Variants in DPYSL4 observed in about 807,000 individuals in gnomAD.
DPYSL4 encodes dihydropyrimidinase-related protein 4.
DPYSL4 carries 43 observed loss-of-function variants against 63.4 expected under a neutral mutation model. The observed-to-expected ratio is 0.68, with a 90% CI of 0.53 to 0.88. The LOEUF is 0.88. Among genes scored for constraint, DPYSL4 ranks in the 40% least tolerant of loss-of-function variants. The pLI is 0.00. For synonymous variants in DPYSL4, 353 were observed against 331.7 expected (o/e 1.06, Z -0.70); for missense variants, 733 against 819.5 (o/e 0.89, Z 1.29).
At position 132,196,911 on chromosome 10, in the gene DPYSL4, A is replaced by G. The variant is rs1171127130; in HGVS notation, c.529A>G (p.Ser177Gly). Residue 177 changes from serine (S) to glycine (G), a missense_variant, in exon 5 of 14, where the codon AGC becomes GGC. Ser to Gly is a moderately conservative substitution (Grantham distance 56). Coordinates refer to ENST00000338492, the MANE Select transcript of DPYSL4 (RefSeq NM_006426.3). ...GGCATACAAGGACCGGTGCCAGTGC[A>G]GCGACAGCCAGGTAAGGGCAGGCGT... ...FMAYKDRCQC[S>G]DSQMYEIFSI... The G allele has an allele frequency of 6.2e-7, 1 of 1,612,266 alleles. No individual in the cohort carries two copies. The highest frequency in any genetic ancestry group is 1.3e-5 in the African/African-American group (1 of 74,932).
intron 8 of DPYSL4, 103 bp downstream of exon 8, chr10:132,199,074 G>GGGCAC: frequency 6.8e-7 from 1 of 1,461,902 alleles, no homozygotes; most frequent in South Asian, 1.3e-5. Flanking sequence ...CATCGGGGCG[G>GGGCAC]GGCACTGGAC....
At chr10:132,203,463 G>A (rs1049361563) in intron 12 of DPYSL4, 1 of 447,312 alleles carries the variant, frequency 2.2e-6, no homozygotes, top group South Asian at 4.5e-5. Context: ...GAGGGAGGTT[G>A]AGCATGTGCA....
chr10:132,189,699 T>C (rs1333301349), intron 1 of DPYSL4, among the ~76,000 whole-genome samples: 1 of 152,148 alleles, frequency 6.6e-6, no homozygotes, highest in Admixed American at 6.5e-5. Flanking sequence ...TCCCTTCCCA[T>C]AGTCCTGTCC....
chr10:132,195,021 T>C lies in DPYSL4; in HGVS notation c.478+12T>C. The C allele has an allele frequency of 6.3e-7, 1 of 1,588,926 alleles. No individual in the cohort carries two copies. Among genetic ancestry groups the C allele is most frequent in the Non-Finnish European group, 8.5e-7 (1 of 1,173,182 alleles). ...GGTCAAGGAGAAGGGTGAGGGTGGC[T>C]GGAGGGGCTGGAGGGCGGGCATGGA... On this transcript the variant is annotated intron_variant, in intron 4 of 13. Transcript: ENST00000338492.
At chr10:132,199,669 G>A (rs1296195644) in intron 8 of DPYSL4, among the ~76,000 whole-genome samples, 1 of 138,872 alleles carries the variant, frequency 7.2e-6, no homozygotes, top group African/African-American at 2.6e-5. Flanking sequence ...GGGCTGTGCA[G>A]GTCCCTGGGC....
At position 132,205,343 on chromosome 10, in the gene DPYSL4, C is replaced by T. The variant is rs2062082648; in HGVS notation, c.*413C>T. 1 of 163,638 alleles carries T rather than the reference C, an allele frequency of 6.1e-6. No homozygotes were observed. Among genetic ancestry groups the T allele is most frequent in the South Asian group, 1.9e-4 (1 of 5,402 alleles). The allele number at this position is 163,638 out of a possible 1,614,324, so 10.1% of individuals were successfully genotyped here. On this transcript the variant is annotated 3_prime_UTR_variant, in exon 14 of 14. Transcript: ENST00000338492. Reference sequence around the variant, plus strand: ...GTGGGCATTTGCCGCCGCCTCCCCACCACCAGTCACTGCCTCGCAGAGCCC... The same window carrying T: ...GTGGGCATTTGCCGCCGCCTCCCCATCACCAGTCACTGCCTCGCAGAGCCC...
intron 3 of DPYSL4, 76 bp from the exon 4 acceptor site, chr10:132,194,763 TGAAACA>T (rs2061919879): frequency 6.5e-7 from 1 of 1,544,972 alleles, no homozygotes; most frequent in Admixed American, 1.8e-5. Flanking sequence ...CTTGGGAACA[TGAAACA>T]GAATCTCCCA....
intron 2 of DPYSL4, 130 bp downstream of exon 2, chr10:132,190,965 GAA>G (rs2061866594): frequency 4.9e-6 from 4 of 808,588 alleles, no homozygotes; most frequent in Non-Finnish European, 7.6e-6. Context: ...CCAGGCAGGT[GAA>G]AGTATGTTCC....
Position 132,190,753 on chromosome 10 carries a change from C to T in DPYSL4, c.46C>T (p.Arg16Cys), listed in dbSNP as rs146177929. ...CCTTTGTTGTTCCCGATAGAGTGAC[C>T]GCCTTCTGATCAGAGGTGGGAGGAT... Reference protein sequence around the residue: ...KKSIPRITSDRLLIRGGRIVN... With the variant: ...KKSIPRITSDCLLIRGGRIVN... Residue 16 changes from arginine (R) to cysteine (C), a missense_variant, in exon 2 of 14, where the codon CGC becomes TGC. Coordinates refer to ENST00000338492, the MANE Select transcript of DPYSL4 (RefSeq NM_006426.3). 16 of 1,613,020 alleles carry T rather than the reference C, an allele frequency of 9.9e-6. No individual in the cohort carries two copies. The highest frequency in any genetic ancestry group is 1.3e-5 in the Non-Finnish European group (15 of 1,179,170).
In DPYSL4 at chr10:132,194,931, G is replaced by A. The variant is rs368814284; in HGVS notation, c.400G>A (p.Asp134Asn). 16 of 1,612,238 alleles carry A rather than the reference G, an allele frequency of 9.9e-6. No homozygotes were observed. Among genetic ancestry groups the A allele is most frequent in the South Asian group, 3.3e-5 (3 of 91,058 alleles). Residue 134 changes from aspartate (D) to asparagine (N), a missense_variant, in exon 4 of 14, where the codon GAC (aspartate) becomes AAC (asparagine). Physicochemically the swap from Asp to Asn is conservative, Grantham distance 23 (BLOSUM62 1). Coordinates refer to ENST00000338492, the MANE Select transcript of DPYSL4 (RefSeq NM_006426.3). ...RERADSAACC[D>N]YSLHVDITRW... ...GCGGGCGGACAGCGCGGCCTGCTGC[G>A]ACTACTCCCTGCACGTGGACATCAC... is the stretch of plus-strand genomic sequence containing the variant.
intron 3 of DPYSL4, among the ~76,000 whole-genome samples, chr10:132,194,323 G>A (rs993891207): frequency 3.9e-5 from 6 of 152,254 alleles, no homozygotes; most frequent in Non-Finnish European, 7.3e-5. Flanking sequence ...TTGGGTGTGT[G>A]GTTGGTGGGG....
At chr10:132,199,038 G>A (rs1396537203) in intron 8 of DPYSL4, 67 bp downstream of exon 8, 3 of 1,559,032 alleles carry the variant, frequency 1.9e-6, no homozygotes, top group African/African-American at 1.4e-5. Flanking sequence ...GCAGCCCTGG[G>A]GAGATGCAGG....
Position 132,203,746 on chromosome 10 carries a change from C to T in DPYSL4, c.1462-16C>T. 1 of 1,593,092 alleles carries T rather than the reference C, an allele frequency of 6.3e-7. No homozygotes were observed. Among genetic ancestry groups the T allele is most frequent in the Non-Finnish European group, 8.6e-7 (1 of 1,166,638 alleles). ...CAGCCCCTCATGCCCTGTCTCTGCC[C>T]CCACCCCCCCGGCAGCTGGCGGAGA... On this transcript the variant is annotated splice_polypyrimidine_tract_variant and intron_variant, in intron 12 of 13. Transcript: ENST00000338492.
chr10:132,190,595 A>AAT (rs2061861429), intron 1 of DPYSL4, 152 bp from the exon 2 acceptor site: 1 of 653,058 alleles, frequency 1.5e-6, no homozygotes, highest in African/African-American at 1.8e-5. Flanking sequence ...CTTCTTGGGG[A>AAT]ATAGTAAGCC....
chr10:132,189,796 GC>G (rs2061850238), intron 1 of DPYSL4, among the ~76,000 whole-genome samples: 1 of 152,210 alleles, frequency 6.6e-6, no homozygotes, highest in Non-Finnish European at 1.5e-5. Context: ...TAACACAGCA[GC>G]CAAAGGTGAT....
intron 4 of DPYSL4, among the ~76,000 whole-genome samples, chr10:132,195,805 C>G (rs2061935452): frequency 6.6e-6 from 1 of 152,248 alleles, no homozygotes; most frequent in Non-Finnish European, 1.5e-5. Context: ...TGCTCTGCCA[C>G]CCATGCTGTT....
In DPYSL4 at chr10:132,187,088, A is replaced by T. The variant is rs200531919; in HGVS notation, c.25A>T (p.Ile9Phe). The T allele has an allele frequency of 7.0e-7, 1 of 1,428,726 alleles. No individual in the cohort carries two copies. Among genetic ancestry groups the T allele is most frequent in the African/African-American group, 1.5e-5 (1 of 65,164 alleles). The allele number at this position is 1,428,726 out of a possible 1,614,324, so 88.5% of individuals were successfully genotyped here. MSFQGKKS[I>F]PRITSDRLLI... Reference sequence around the variant, plus strand: ...GATGTCCTTCCAGGGCAAGAAAAGCATCCCCCGGATCACGGTGAGCCCGGT... The same window carrying T: ...GATGTCCTTCCAGGGCAAGAAAAGCTTCCCCCGGATCACGGTGAGCCCGGT... The change falls in exon 1 of 14, where the codon ATC (isoleucine) becomes TTC (phenylalanine). Residue 9 changes from isoleucine to phenylalanine, a missense_variant. By Grantham distance (21) the Ile-to-Phe change is conservative. Coordinates refer to ENST00000338492, the MANE Select transcript of DPYSL4 (RefSeq NM_006426.3).
intron 3 of DPYSL4, 33 bp from the exon 4 acceptor site, chr10:132,194,812 T>C (rs772542837): frequency 6.2e-7 from 1 of 1,603,100 alleles, no homozygotes; most frequent in Non-Finnish European, 8.5e-7. Flanking sequence ...CAGGGACCAG[T>C]GGGGGAAGCT....
chr10:132,187,622 T>C (rs896456542), intron 1 of DPYSL4, among the ~76,000 whole-genome samples: 6 of 152,164 alleles, frequency 3.9e-5, no homozygotes, highest in Admixed American at 2.6e-4. Context: ...GGGAGCTCTT[T>C]GTCCGAGACA....
Sources: allele counts gnomAD v4.1 joint callset (sites outside exome capture counted in the v4.1 genomes callset), GRCh38; gene constraint gnomAD v4.1.1; transcripts MANE v1.5; gene names NCBI Gene and HGNC (gene_info 2026-07-23, HGNC 2026-07-21).